APBB2: variants seen among roughly 807,000 people sequenced by gnomAD.
The protein encoded by APBB2 is amyloid beta precursor protein binding family B member 2, also known as Fe65-like 1.
A neutral mutation model predicts 82.5 loss-of-function variants in APBB2; 38 were observed. The ratio of observed to expected loss-of-function variants is 0.46; its 90% CI spans 0.36 to 0.60. APBB2 has a LOEUF of 0.60. Among genes scored for constraint, APBB2 ranks in the 20% least tolerant of loss-of-function variants. APBB2 has a pLI of 0.00. For synonymous variants in APBB2, 341 were observed against 368.2 expected (o/e 0.93, Z 0.85); for missense variants, 772 against 972.3 (o/e 0.79, Z 2.74).
intron 10 of APBB2, among the ~76,000 whole-genome samples, chr4:40,929,930 C>T (rs74783304): frequency 0.015 from 2,231 of 152,246 alleles, 55 homozygotes; most frequent in African/African-American, 0.051. Context: ...CCTATGGATA[C>T]TGGTGCCTAG....
At chr4:41,150,491 A>C (rs1761983492) in intron 1 of APBB2, among the ~76,000 whole-genome samples, 1 of 152,218 alleles carries the variant, frequency 6.6e-6, no homozygotes, top group African/African-American at 2.4e-5. Flanking sequence ...CCATGCTGTC[A>C]TTAGTGTCAT....
chr4:41,168,251 A>G (rs1307468886), intron 1 of APBB2, among the ~76,000 whole-genome samples: 1 of 151,614 alleles, frequency 6.6e-6, no homozygotes, highest in African/African-American at 2.4e-5. Context: ...GCGCCACTGC[A>G]CTCCAGCCTG....
chr4:40,901,612 C>T (rs141902313), intron 10 of APBB2, among the ~76,000 whole-genome samples: 11 of 152,276 alleles, frequency 7.2e-5, no homozygotes, highest in East Asian at 1.9e-4. Context: ...CAGGCTCAAG[C>T]GATTCTTGTG....
chr4:41,064,755 AAG>A (rs1731113275), intron 4 of APBB2, among the ~76,000 whole-genome samples: 1 of 152,182 alleles, frequency 6.6e-6, no homozygotes, highest in South Asian at 2.1e-4. Flanking sequence ...AGGGAACTGA[AAG>A]AGTTTCCTCC....
chr4:40,924,294 G>A (rs113422261), intron 10 of APBB2, among the ~76,000 whole-genome samples: 1 of 152,282 alleles, frequency 6.6e-6, no homozygotes, highest in East Asian at 1.9e-4. Flanking sequence ...TTTCTGCCCT[G>A]TACTGAAGGC....
intron 2 of APBB2, among the ~76,000 whole-genome samples, chr4:41,101,627 T>C (rs1232842191): frequency 6.6e-6 from 1 of 151,946 alleles, no homozygotes; most frequent in Non-Finnish European, 1.5e-5. Flanking sequence ...TTTTTCCTAA[T>C]GAAACAGAAA....
chr4:41,157,234 G>GT (rs1763706918), intron 1 of APBB2, among the ~76,000 whole-genome samples: 1 of 152,088 alleles, frequency 6.6e-6, no homozygotes, highest in Admixed American at 6.5e-5. Context: ...GAATTTTCTG[G>GT]TGCAGGCAGG....
intron 6 of APBB2, among the ~76,000 whole-genome samples, chr4:41,009,168 G>T (rs960811026): frequency 6.6e-5 from 10 of 151,816 alleles, no homozygotes; most frequent in Middle Eastern, 3.4e-3. Context: ...TGACCAACAG[G>T]TATTTATTTA....
rs1228361600 is a variant in APBB2, at chr4:40,813,064, G to A, written c.*3028C>T. On this transcript the variant is annotated 3_prime_UTR_variant, in exon 18 of 18. Coordinates refer to ENST00000508593, the MANE Select transcript of APBB2 (RefSeq NM_004307.2). ...ATGTTGCCAAGGAGCAGATGTATGA[G>A]GTGGCAAGTCTGTGTCTATCTAGCT... 6.6e-6 allele frequency: 1 copy of A among 152,216 alleles called. No individual in the cohort carries two copies. Among genetic ancestry groups the A allele is most frequent in the African/African-American group, 2.4e-5 (1 of 41,462 alleles). 9.4% of individuals were successfully genotyped at this position (152,216 alleles called of 1,614,324 possible). A position where few individuals can be genotyped will look rare whatever the true frequency, so the allele number is the denominator to read the frequency against.
At chr4:41,027,364 C>CACAT (rs1231769191) in intron 5 of APBB2, among the ~76,000 whole-genome samples, 1 of 127,416 alleles carries the variant, frequency 7.8e-6, no homozygotes, top group African/African-American at 2.9e-5. Context: ...CATATTGTTA[C>CACAT]ATATATATAT....
chr4:41,080,484 T>G (rs1390162702), intron 3 of APBB2, among the ~76,000 whole-genome samples: 2 of 152,150 alleles, frequency 1.3e-5, no homozygotes, highest in Admixed American at 6.5e-5. Context: ...GACAAAGAAG[T>G]AACCTTTTGT....
chr4:41,073,219 A>G (rs1321919818), intron 3 of APBB2, among the ~76,000 whole-genome samples: 1 of 152,220 alleles, frequency 6.6e-6, no homozygotes, highest in Non-Finnish European at 1.5e-5. Flanking sequence ...CTGCTCATAT[A>G]GCAAGAACAA....
intron 1 of APBB2, among the ~76,000 whole-genome samples, chr4:41,150,275 G>A (rs1761907081): frequency 6.6e-6 from 1 of 152,194 alleles, no homozygotes; most frequent in African/African-American, 2.4e-5. Context: ...TGTATTAAGT[G>A]TTGTCTATTT....
chr4:41,164,952 T>G (rs1336493391), intron 1 of APBB2, among the ~76,000 whole-genome samples: 1 of 152,222 alleles, frequency 6.6e-6, no homozygotes, highest in Non-Finnish European at 1.5e-5. Context: ...TGGATTTCAC[T>G]TTTTTTAAGC....
chr4:41,196,137 C>A, intron 1 of APBB2, among the ~76,000 whole-genome samples: 1 of 150,272 alleles, frequency 6.7e-6, no homozygotes, highest in African/African-American at 2.5e-5. Context: ...CCAGCCTGGT[C>A]GACAGAGCAA....
chr4:41,206,477 T>C (rs1230194036), intron 1 of APBB2, among the ~76,000 whole-genome samples: 1 of 152,202 alleles, frequency 6.6e-6, no homozygotes, highest in Non-Finnish European at 1.5e-5. Flanking sequence ...CCGAGGTTTC[T>C]GGATGTCACC....
intron 10 of APBB2, among the ~76,000 whole-genome samples, chr4:40,902,281 T>TGTGTGTAC (rs1775523343): frequency 6.6e-6 from 1 of 152,180 alleles, no homozygotes; most frequent in African/African-American, 2.4e-5. Context: ...ACGTATTGTA[T>TGTGTGTAC]GTGTGTACGT....
intron 5 of APBB2, among the ~76,000 whole-genome samples, chr4:41,018,488 G>A (rs1355528298): frequency 1.3e-5 from 2 of 152,176 alleles, no homozygotes; most frequent in African/African-American, 4.8e-5. Context: ...ATGGAGAAGA[G>A]CAAAGGCAGG....
At chr4:40,898,805 T>G (rs950903668) in intron 10 of APBB2, among the ~76,000 whole-genome samples, 5 of 146,710 alleles carry the variant, frequency 3.4e-5, no homozygotes, top group Non-Finnish European at 7.5e-5. Context: ...GTCAACAGAG[T>G]GAGACTCCAT....
Sources: allele counts gnomAD v4.1 joint callset (sites outside exome capture counted in the v4.1 genomes callset), GRCh38; gene constraint gnomAD v4.1.1; transcripts MANE v1.5; gene names NCBI Gene and HGNC (gene_info 2026-07-23, HGNC 2026-07-21).